Variants in PTGS2 observed in about 807,000 individuals in gnomAD.
The protein encoded by PTGS2 is prostaglandin G/H synthase 2.
A neutral mutation model predicts 63.8 loss-of-function variants in PTGS2; 14 were observed. That is an observed-to-expected ratio of 0.22 (90% CI 0.14 to 0.34). The LOEUF is 0.34. Among genes scored for constraint, PTGS2 ranks in the 10% least tolerant of loss-of-function variants. The pLI is 1.00. For missense variants in PTGS2, 533 were observed against 738.5 expected (o/e 0.72, Z 3.23); for synonymous variants, 271 against 259.5 (o/e 1.04, Z -0.43).
intron 8 of PTGS2, 103 bp from the exon 9 acceptor site, chr1:186,675,499 C>A (rs771748860): frequency 3.0e-6 from 4 of 1,323,844 alleles, no homozygotes; most frequent in Non-Finnish European, 4.1e-6. Flanking sequence ...AAACTCCCAG[C>A]GGAGACAATT....
intron 5 of PTGS2, 116 bp from the exon 6 acceptor site, chr1:186,677,032 T>C (rs1011432293): frequency 2.6e-5 from 20 of 758,944 alleles, no homozygotes; most frequent in South Asian, 9.6e-5. Flanking sequence ...TTAAAATTTT[T>C]AAATAAAATA....
rs575495162 is a variant in PTGS2 at position 186,674,914 on chromosome 1, C to T, written c.1406-152G>A. ...AGTTTAGGGGCCAGGCGCGGTGGCTCACGCCTGTAATCCCAGCACTTCGGG... is the reference window on the plus strand; with the variant it reads ...AGTTTAGGGGCCAGGCGCGGTGGCTTACGCCTGTAATCCCAGCACTTCGGG... On this transcript the variant is annotated intron_variant, in intron 9 of 9. Coordinates refer to ENST00000367468, the MANE Select transcript of PTGS2 (RefSeq NM_000963.4). 79 of 977,592 alleles carry T rather than the reference C, an allele frequency of 8.1e-5. 1 individual carries two copies. Among genetic ancestry groups the T allele is most frequent in the South Asian group, 5.9e-4 (34 of 57,568 alleles). The allele number at this position is 977,592 out of a possible 1,614,324, so 60.6% of individuals were successfully genotyped here.
At chr1:186,679,251 A>AT (rs1221982457) in intron 2 of PTGS2, 50 bp from the exon 3 acceptor site, 2 of 1,612,506 alleles carry the variant, frequency 1.2e-6, no homozygotes, top group East Asian at 2.2e-5. Context: ...ACTCATTATA[A>AT]GACACAAATC....
At chr1:186,678,884 T>C (rs958731597) in intron 3 of PTGS2, among the ~76,000 whole-genome samples, 174 bp downstream of exon 3, 2 of 152,204 alleles carry the variant, frequency 1.3e-5, no homozygotes, top group Non-Finnish European at 2.9e-5. Context: ...CTGTATAAAC[T>C]GGATGGGACT....
chr1:186,679,569 AT>A, intron 1 of PTGS2, 131 bp from the exon 2 acceptor site: 1 of 699,862 alleles, frequency 1.4e-6, no homozygotes, highest in Non-Finnish European at 2.4e-6. Context: ...TGGAAATACA[AT>A]TTTTTAACCT....
In PTGS2 at chr1:186,677,164, A is replaced by G. The variant is rs940164561; in HGVS notation, c.640-248T>C. 9.2e-5 allele frequency among the ~76,000 whole-genome samples: 14 copies of G among 152,216 alleles called. 1 individual carries two copies. The highest frequency in any genetic ancestry group is 2.9e-4 in the African/African-American group (12 of 41,572). ...ATTGAGCTTATATCATATATATTATATACTTCACTATGATGATATGGTAAT... is the reference window on the plus strand; with the variant it reads ...ATTGAGCTTATATCATATATATTATGTACTTCACTATGATGATATGGTAAT... On this transcript the variant is annotated intron_variant, in intron 5 of 9. Coordinates refer to ENST00000367468, the MANE Select transcript of PTGS2 (RefSeq NM_000963.4).
At chr1:186,676,222 A>G in intron 7 of PTGS2, 38 bp from the exon 8 acceptor site, 1 of 1,523,016 alleles carries the variant, frequency 6.6e-7, no homozygotes, top group East Asian at 2.3e-5. Context: ...CATTTATTGC[A>G]TCTGATCACA....
chr1:186,676,297 T>G (rs764935502), intron 7 of PTGS2, 113 bp from the exon 8 acceptor site: 3 of 1,374,840 alleles, frequency 2.2e-6, no homozygotes, highest in Non-Finnish European at 2.9e-6. Context: ...TTTTCTTCCT[T>G]GTCAGTATCA....
chr1:186,678,493 C>A (rs1239274387), intron 3 of PTGS2, 89 bp from the exon 4 acceptor site: 1 of 1,256,214 alleles, frequency 8.0e-7, no homozygotes, highest in South Asian at 1.7e-5. Flanking sequence ...TGGAAAGTGG[C>A]ACCTGAGGTT....
rs4648286 is a variant in PTGS2, at chr1:186,674,827, A to T, written c.1406-65T>A. ...ACTTCACAAAATAAAAAACAGTTTG[A>T]TTCTTTTGCTCAATTTGCTGCCAAC... On this transcript the variant is annotated intron_variant, in intron 9 of 9. Transcript: ENST00000367468. 1,336 of 1,497,468 alleles carry T rather than the reference A, an allele frequency of 8.9e-4. 11 individuals carry two copies. The African/African-American group carries it at 0.016, about 18-fold the overall frequency. 92.8% of individuals were successfully genotyped at this position (1,497,468 alleles called of 1,614,324 possible).
Position 186,679,161 on chromosome 1 carries a change from A to T in PTGS2, c.210T>A (p.Thr70=). The T allele has an allele frequency of 6.2e-7, 1 of 1,613,630 alleles. No individual in the cohort carries two copies. Among genetic ancestry groups the T allele is most frequent in the Non-Finnish European group, 8.5e-7 (1 of 1,179,856 alleles). Residue 70 remains threonine, a synonymous_variant, in exon 3 of 10, where the codon ACT becomes ACA. Transcript: ENST00000367468. The part of the protein sequence containing the change: ...LTRIKLFLKP[T]PNTVHYILTH... Reference sequence around the variant, plus strand: ...TAAGTATGTAGTGCACTGTGTTTGGAGTGGGTTTCAGAAATAATTTTATTC... The same window carrying T: ...TAAGTATGTAGTGCACTGTGTTTGGTGTGGGTTTCAGAAATAATTTTATTC...
chr1:186,676,326 A>G, intron 7 of PTGS2, 141 bp downstream of exon 7: 1 of 1,365,960 alleles, frequency 7.3e-7, no homozygotes, highest in East Asian at 2.3e-5. Flanking sequence ...CTATTTTATC[A>G]GTCATGCTTA....
At position 186,674,239 on chromosome 1, in the gene PTGS2, T is replaced by C; in HGVS notation, c.*114A>G. On this transcript the variant is annotated 3_prime_UTR_variant, in exon 10 of 10. Transcript: ENST00000367468. Reference sequence around the variant, plus strand: ...ACTCCTTTCTCCGCAACAGGAGTACTGACTTCTGTTACAGAAGATGTTAAG... The same window carrying C: ...ACTCCTTTCTCCGCAACAGGAGTACCGACTTCTGTTACAGAAGATGTTAAG... The C allele has an allele frequency of 1.5e-6, 1 of 652,656 alleles. No homozygotes were observed. Among genetic ancestry groups the C allele is most frequent in the Non-Finnish European group, 2.2e-6 (1 of 463,724 alleles). The allele number at this position is 652,656 out of a possible 1,614,324, so 40.4% of individuals were successfully genotyped here.
chr1:186,678,533 T>C, intron 3 of PTGS2, 129 bp from the exon 4 acceptor site: 1 of 859,398 alleles, frequency 1.2e-6, no homozygotes, highest in East Asian at 2.7e-5. Flanking sequence ...AAAAAATCTA[T>C]TTTTAAACAA....
intron 1 of PTGS2, among the ~76,000 whole-genome samples, 187 bp from the exon 2 acceptor site, chr1:186,679,625 A>G (rs1665841053): frequency 6.6e-6 from 1 of 152,224 alleles, no homozygotes; most frequent in Non-Finnish European, 1.5e-5. Context: ...TTCTATTCTA[A>G]ATAAGGATAA....
Position 186,679,345 on chromosome 1 carries a change from A to T in PTGS2, c.146T>A (p.Phe49Tyr). ...QYKCDCTRTG[F>Y]YGENCSTPEF... ...ACGTGTTGAGCAGTTTTCTCCATAG[A>T]ATCCTGTCCGGGTACAATCGCACTT... Residue 49 changes from phenylalanine to tyrosine, a missense_variant, in exon 2 of 10, where the codon TTC (phenylalanine) becomes TAC (tyrosine). Transcript: ENST00000367468. The T allele has an allele frequency of 6.2e-7, 1 of 1,614,176 alleles. No homozygotes were observed. Among genetic ancestry groups the T allele is most frequent in the East Asian group, 2.2e-5 (1 of 44,874 alleles).
chr1:186,675,154 G>T, intron 9 of PTGS2, 95 bp downstream of exon 9: 1 of 1,503,846 alleles, frequency 6.6e-7, no homozygotes, highest in Non-Finnish European at 9.0e-7. Context: ...TCCAGCCTGG[G>T]TGACAGAGGG....
rs1193969719 is a variant in PTGS2 at position 186,676,090 on chromosome 1, T to A, written c.1065A>T (p.Lys355Asn). ...CAATACGATTTTGGTACTGGAATTG[T>A]TTGTTGAAAAGTAGTTCTGGGTCAA... ...LKFDPELLFN[K>N]QFQYQNRIAA... Residue 355 changes from lysine (K) to asparagine (N), a missense_variant, in exon 8 of 10, where the codon AAA becomes AAT. Physicochemically the swap from Lys to Asn is moderately conservative, Grantham distance 94 (BLOSUM62 0). Coordinates refer to ENST00000367468, the MANE Select transcript of PTGS2 (RefSeq NM_000963.4). 6.2e-7 allele frequency: 1 copy of A among 1,614,162 alleles called. No individual in the cohort carries two copies. Among genetic ancestry groups the A allele is most frequent in the Non-Finnish European group, 8.5e-7 (1 of 1,180,014 alleles).
In PTGS2 at chr1:186,677,830, C is replaced by T; in HGVS notation, c.458G>A (p.Gly153Asp). Residue 153 changes from glycine (G) to aspartate (D), a missense_variant and splice_region_variant, in exon 5 of 10, where the codon GGT (glycine) becomes GAT (aspartate). This residue lies in a region of PTGS2 where 118 missense variants were observed against 138.7 expected (regional missense o/e 0.85). Transcript: ENST00000367468. ...ATTTGAATCAGGAAGCTGCTTTTTACCTGAAAAATGAGAAAGCTAAGGTAA... is the reference window on the plus strand; with the variant it reads ...ATTTGAATCAGGAAGCTGCTTTTTATCTGAAAAATGAGAAAGCTAAGGTAA... ...DDCPTPLGVK[G>D]KKQLPDSNEI... The T allele has an allele frequency of 6.2e-7, 1 of 1,612,288 alleles. No individual in the cohort carries two copies. The highest frequency in any genetic ancestry group is 8.5e-7 in the Non-Finnish European group (1 of 1,179,470).
Sources: allele counts gnomAD v4.1 joint callset (sites outside exome capture counted in the v4.1 genomes callset), GRCh38; gene constraint gnomAD v4.1.1; regional missense constraint gnomAD v4.1.1; transcripts MANE v1.5; gene names NCBI Gene and HGNC (gene_info 2026-07-23, HGNC 2026-07-21).